The following TGM1 variants were observed in gnomAD, a reference collection of about 807,000 sequenced individuals.
TGM1 encodes the protein transglutaminase 1.
TGM1 carries 63 observed loss-of-function variants against 88.7 expected under a neutral mutation model. The observed-to-expected ratio is 0.71, with a 90% CI of 0.58 to 0.88. The LOEUF is 0.88. Ranked by LOEUF, TGM1 falls within the 40% of genes least tolerant of loss-of-function variation. The pLI is 0.00. For missense variants in TGM1, 996 were observed against 1,118.0 expected (o/e 0.89, Z 1.56); for synonymous variants, 415 against 431.1 (o/e 0.96, Z 0.46).
In TGM1 at chr14:24,260,318, T is replaced by C. The variant is rs41293786; in HGVS notation, c.757+132A>G. 1.4e-3 allele frequency: 1,993 copies of C among 1,446,430 alleles called. 17 individuals carry two copies. In the African/African-American group the frequency reaches 0.025, roughly 18 times the overall value. 89.6% of individuals were successfully genotyped at this position (1,446,430 alleles called of 1,614,324 possible). ...ACCTTTCTGCACCAGGCCTCGGTCC[T>C]CTCATCTGCCCAATGGGAGGCTGGC... On this transcript the variant is annotated intron_variant, in intron 4 of 14. Coordinates refer to ENST00000206765, the MANE Select transcript of TGM1 (RefSeq NM_000359.3).
At position 24,255,622 on chromosome 14, in the gene TGM1, G is replaced by T; in HGVS notation, c.1492-105C>A. On this transcript the variant is annotated intron_variant, in intron 10 of 14. Coordinates refer to ENST00000206765, the MANE Select transcript of TGM1 (RefSeq NM_000359.3). The surrounding 1 kb of genome is among the most constrained non-coding windows in gnomAD (Gnocchi z 4.0). ...TCCCAGGAGCTATGGGACAGGGCTT[G>T]GTCCCAAGGGTGGGAGCTTCCTGGC... 1 of 1,484,934 alleles carries T rather than the reference G, an allele frequency of 6.7e-7. No homozygotes were observed. Among genetic ancestry groups the T allele is most frequent in the Non-Finnish European group, 9.3e-7 (1 of 1,079,776 alleles). The allele number at this position is 1,484,934 out of a possible 1,614,324, so 92.0% of individuals were successfully genotyped here. A position where few individuals can be genotyped will look rare whatever the true frequency, so the allele number is the denominator to read the frequency against.
In TGM1 at chr14:24,260,586, C is replaced by T. The variant is rs1269510857; in HGVS notation, c.621G>A (p.Leu207=). 1 of 1,614,100 alleles carries T rather than the reference C, an allele frequency of 6.2e-7. No homozygotes were observed. Among genetic ancestry groups the T allele is most frequent in the Non-Finnish European group, 8.5e-7 (1 of 1,180,046 alleles). The change falls in exon 4 of 15, where the codon CTG becomes CTA. Residue 207 remains leucine (L), a synonymous_variant. Coordinates refer to ENST00000206765, the MANE Select transcript of TGM1 (RefSeq NM_000359.3). ...TGGCGTTGGGGGAAGTGTGGACCCGCAGGTTCAGATTCTGCCCACTGGCCT... is the reference window on the plus strand; with the variant it reads ...TGGCGTTGGGGGAAGTGTGGACCCGTAGGTTCAGATTCTGCCCACTGGCCT... ...VVKASGQNLN[L]RVHTSPNAII...
intron 9 of TGM1, among the ~76,000 whole-genome samples, chr14:24,257,191 T>C (rs1396223533): frequency 6.6e-6 from 1 of 152,044 alleles, no homozygotes; most frequent in Non-Finnish European, 1.5e-5. Context: ...TGTTCACATA[T>C]CTGAGTGAGA....
intron 14 of TGM1, among the ~76,000 whole-genome samples, chr14:24,253,851 C>A (rs182067725): frequency 6.6e-6 from 1 of 152,284 alleles, no homozygotes; most frequent in African/African-American, 2.4e-5. Flanking sequence ...CTGGTCAATT[C>A]TTCAGTGCTG....
At chr14:24,254,486 G>C (rs1481797926) in intron 13 of TGM1, among the ~76,000 whole-genome samples, 178 bp downstream of exon 13, 1 of 152,230 alleles carries the variant, frequency 6.6e-6, no homozygotes, top group East Asian at 1.9e-4. Context: ...CACAGAACCA[G>C]AGACATAAGA....
intron 7 of TGM1, among the ~76,000 whole-genome samples, 173 bp from the exon 8 acceptor site, chr14:24,258,846 G>T (rs35692401): frequency 0.023 from 3,541 of 152,322 alleles, 144 homozygotes; most frequent in African/African-American, 0.081. Flanking sequence ...TTGGGGTCAG[G>T]GGAAGCTAGG....
chr14:24,259,340 G>A lies in TGM1; in HGVS notation c.985-91C>T. On this transcript the variant is annotated intron_variant, in intron 6 of 14. Transcript: ENST00000206765. This position sits in a 1 kb window ranked among gnomAD's most constrained non-coding sequence, Gnocchi z 5.7. ...TGGGGACCAGCCGGGCCCCGATCCT[G>A]CAACCACCCCTTACCCCTAAATGCC... 7.9e-7 allele frequency: 1 copy of A among 1,270,738 alleles called. No individual in the cohort carries two copies. The highest frequency in any genetic ancestry group is 2.5e-5 in the East Asian group (1 of 39,784). 78.7% of individuals were successfully genotyped at this position (1,270,738 alleles called of 1,614,324 possible). A position where few individuals can be genotyped will look rare whatever the true frequency, so the allele number is the denominator to read the frequency against.
rs569606533 is a variant in TGM1 at position 24,255,967 on chromosome 14, G to A, written c.1491+22C>T. 1 of 1,547,996 alleles carries A rather than the reference G, an allele frequency of 6.5e-7. No individual in the cohort carries two copies. The highest frequency in any genetic ancestry group is 1.4e-5 in the African/African-American group (1 of 73,178). On this transcript the variant is annotated intron_variant, in intron 10 of 14. Transcript: ENST00000206765. The surrounding 1 kb of genome is among the most constrained non-coding windows in gnomAD (Gnocchi z 4.0). ...GAACCCATGACTGAAGCCCAAGAAG[G>A]CACCTGGAGCCCAGCCCTCACCTCA...
rs769599698 is a variant in TGM1, at chr14:24,261,680, C to T, written c.508+15G>A. 5.6e-6 allele frequency: 9 copies of T among 1,613,892 alleles called. 1 individual carries two copies. The South Asian group carries it at 9.9e-5, about 18-fold the overall frequency. ...ACATAGGGCCTTCACCCGTCCCAAT[C>T]CAAGCCCCACTGACCGATGAGTAAC... On this transcript the variant is annotated intron_variant, in intron 3 of 14. Coordinates refer to ENST00000206765, the MANE Select transcript of TGM1 (RefSeq NM_000359.3).
rs41293816 is a variant in TGM1 at position 24,254,952 on chromosome 14, G to A, written c.1927+20C>T. 6.6e-4 allele frequency: 1,062 copies of A among 1,613,488 alleles called. 6 individuals carry two copies. The African/African-American group carries it at 0.013, about 19-fold the overall frequency. ...GGTGCCCAGCCATCCAGGGGGCAGGGCTGGGTAAGGAGCACTTACAGGCCC... is the reference window on the plus strand; with the variant it reads ...GGTGCCCAGCCATCCAGGGGGCAGGACTGGGTAAGGAGCACTTACAGGCCC... On this transcript the variant is annotated intron_variant, in intron 12 of 14. Transcript: ENST00000206765.
Position 24,254,162 on chromosome 14 carries a change from G to A in TGM1, c.2215C>T (p.Leu739Phe), listed in dbSNP as rs377261472. ...AGAGGCCAGACTCACCCAACGTTGA[G>A]GATCTTGGGCCTCTGTAACCCAGAG... ...EGSGLQRPKI[L>F]NVGDIGGNET... Residue 739 changes from leucine (L) to phenylalanine (F), a missense_variant, in exon 14 of 15, where the codon CTC becomes TTC. By Grantham distance (22) the Leu-to-Phe change is conservative. Transcript: ENST00000206765. 5 of 1,611,966 alleles carry A rather than the reference G, an allele frequency of 3.1e-6. No individual in the cohort carries two copies. In the African/African-American group the frequency reaches 4.0e-5, roughly 13 times the overall value.
At position 24,260,432 on chromosome 14, in the gene TGM1, C is replaced by T; in HGVS notation, c.757+18G>A. 6.2e-7 allele frequency: 1 copy of T among 1,614,058 alleles called. No homozygotes were observed. The highest frequency in any genetic ancestry group is 8.5e-7 in the Non-Finnish European group (1 of 1,180,016). On this transcript the variant is annotated intron_variant, in intron 4 of 14. Coordinates refer to ENST00000206765, the MANE Select transcript of TGM1 (RefSeq NM_000359.3). ...TTTCCCTCCCATCTACCCTCTGCTC[C>T]AGACCCCAGCTGCTCACCTGGGCAC...
chr14:24,254,875 T>A, intron 12 of TGM1, 51 bp from the exon 13 acceptor site: 1 of 1,612,892 alleles, frequency 6.2e-7, no homozygotes, highest in South Asian at 1.1e-5. Flanking sequence ...TACATGAGGC[T>A]TCCCCCAGGG....
chr14:24,253,999 G>A (rs1019965487), intron 14 of TGM1, 153 bp downstream of exon 14: 3 of 1,032,326 alleles, frequency 2.9e-6, no homozygotes, highest in Non-Finnish European at 4.3e-6. Context: ...GACTGAGCTG[G>A]GCCGGGAGGT....
At chr14:24,256,916 C>A (rs1444243336) in intron 9 of TGM1, among the ~76,000 whole-genome samples, 1 of 152,194 alleles carries the variant, frequency 6.6e-6, no homozygotes, top group Non-Finnish European at 1.5e-5. Context: ...TCATTTAATC[C>A]TCCCAATCAC....
Position 24,254,685 on chromosome 14 carries a change from G to A in TGM1, c.2067C>T (p.Arg689=), listed in dbSNP as rs761082837. The A allele has an allele frequency of 8.7e-6, 14 of 1,613,842 alleles. No homozygotes were observed. The highest frequency in any genetic ancestry group is 2.2e-5 in the East Asian group (1 of 44,902). The change falls in exon 13 of 15, where the codon CGC becomes CGT. Residue 689 remains arginine (R), a synonymous_variant. Coordinates refer to ENST00000206765, the MANE Select transcript of TGM1 (RefSeq NM_000359.3). ...TCACCGTGAGGGAGAGGTCTGGGGTGCGCAGACGGAAGGTGTGCTGCTTGG... is the reference window on the plus strand; with the variant it reads ...TCACCGTGAGGGAGAGGTCTGGGGTACGCAGACGGAAGGTGTGCTGCTTGG... ...VLAKQHTFRL[R]TPDLSLTLLG...
At chr14:24,250,148 C>T (rs1043417505) in intron 14 of TGM1, among the ~76,000 whole-genome samples, 1 of 142,958 alleles carries the variant, frequency 7.0e-6, no homozygotes, top group Non-Finnish European at 1.5e-5. Context: ...CCTTATGTCT[C>T]TGTGTGTGTG....
chr14:24,256,268 AG>A (rs2040750714), intron 9 of TGM1, among the ~76,000 whole-genome samples, 191 bp from the exon 10 acceptor site: 1 of 152,214 alleles, frequency 6.6e-6, no homozygotes, highest in African/African-American at 2.4e-5. Context: ...AGTGCAACAC[AG>A]GTATGGAAAA....
Position 24,258,667 on chromosome 14 carries a change from C to G in TGM1, c.1166G>C (p.Arg389Pro), listed in dbSNP as rs121918723. The G allele has an allele frequency of 5.0e-6, 8 of 1,614,026 alleles. No individual in the cohort carries two copies. The highest frequency in any genetic ancestry group is 6.8e-6 in the Non-Finnish European group (8 of 1,180,008). Residue 389 changes from arginine to proline, a missense_variant, in exon 8 of 15, where the codon CGC becomes CCC. Coordinates refer to ENST00000206765, the MANE Select transcript of TGM1 (RefSeq NM_000359.3). Reference sequence around the variant, plus strand: ...AGTACGGGTGGCCAGACCCAGGCAGCGCAGCACTGTGGAGGAGCGAAGGTT... The same window carrying G: ...AGTACGGGTGGCCAGACCCAGGCAGGGCAGCACTGTGGAGGAGCGAAGGTT... ...VFAGVTTTVLRCLGLATRTVT... is the reference protein window; with the variant it reads ...VFAGVTTTVLPCLGLATRTVT...
Sources: allele counts gnomAD v4.1 joint callset (sites outside exome capture counted in the v4.1 genomes callset), GRCh38; gene constraint gnomAD v4.1.1; non-coding constraint Gnocchi (gnomAD v3.1); transcripts MANE v1.5; gene names NCBI Gene and HGNC (gene_info 2026-07-23, HGNC 2026-07-21).